Variants in GIPC1 observed in about 807,000 individuals in gnomAD.
GIPC1 encodes the protein GIPC PDZ domain containing family member 1.
A neutral mutation model predicts 28.5 loss-of-function variants in GIPC1; 15 were observed. That is an observed-to-expected ratio of 0.53 (90% confidence interval 0.35 to 0.81). The LOEUF (loss-of-function observed/expected upper bound fraction) is 0.81. GIPC1 is among the 30% of genes least tolerant of loss of function. GIPC1 has a pLI of 0.01. For missense variants in GIPC1, 439 were observed against 481.9 expected (o/e 0.91, Z 0.83); for synonymous variants, 224 against 206.1 (o/e 1.09, Z -0.74).
chr19:14,491,361 C>T (rs1345292660), intron 3 of GIPC1, among the ~76,000 whole-genome samples: 3 of 151,854 alleles, frequency 2.0e-5, no homozygotes, highest in Non-Finnish European at 2.9e-5. Flanking sequence ...CAGGTTCAAG[C>T]GATTCTCCTG....
chr19:14,481,020 G>C, intron 4 of GIPC1: 1 of 474,434 alleles, frequency 2.1e-6, no homozygotes, highest in Non-Finnish European at 3.8e-6. Context: ...ACCCAGGCTG[G>C]AGTGCAGTGG....
At position 14,480,292 on chromosome 19, in the gene GIPC1, G is replaced by A. The variant is rs182218218; in HGVS notation, c.655+13C>T. 2.4e-3 allele frequency: 3,832 copies of A among 1,606,324 alleles called. 15 individuals carry two copies. In the Middle Eastern group the frequency reaches 0.026, roughly 11 times the overall value. ...GCAGCGCCACTGGGGAGGTCCAGGG[G>A]GCGGCTCCTCACCGAAGGCCTTGCG... On this transcript the variant is annotated intron_variant, in intron 6 of 8. Transcript: ENST00000393033.
In GIPC1 at chr19:14,488,299, T is replaced by C. The variant is rs576265591; in HGVS notation, c.-31+3357A>G. On this transcript the variant is annotated intron_variant, in intron 3 of 8. Transcript: ENST00000393033. ...AACCCCATCTCTACTAAAAATACAA[T>C]ACACAGGTGGGCGTGGTGGTGCACA... is the stretch of plus-strand genomic sequence containing the variant. Among the ~76,000 whole-genome samples the C allele has an allele frequency of 5.4e-5, 8 of 149,160 alleles. No homozygotes were observed. In the South Asian group the frequency reaches 1.7e-3, roughly 32 times the overall value.
At chr19:14,494,127 T>C (rs2072027860) in intron 1 of GIPC1, among the ~76,000 whole-genome samples, 1 of 151,952 alleles carries the variant, frequency 6.6e-6, no homozygotes, top group Non-Finnish European at 1.5e-5. Flanking sequence ...ACCCAGCTAA[T>C]TTTCATATTT....
intron 4 of GIPC1, 89 bp downstream of exon 4, chr19:14,482,600 G>A: frequency 1.5e-6 from 2 of 1,303,740 alleles, no homozygotes; most frequent in Non-Finnish European, 2.2e-6. Flanking sequence ...TGCAGCTTCA[G>A]CATCTGAGCC....
chr19:14,478,828 G>T lies in GIPC1; in HGVS notation c.769-63C>A. ...ATGTGAATATACATAGTAATTGGAC[G>T]GACTGCCATTGTCACCACTTTACAT... On this transcript the variant is annotated intron_variant, in intron 7 of 8. Coordinates refer to ENST00000393033, the MANE Select transcript of GIPC1 (RefSeq NM_005716.4). This position sits in a 1 kb window ranked among gnomAD's most constrained non-coding sequence, Gnocchi z 5.2. 2 of 1,203,646 alleles carry T rather than the reference G, an allele frequency of 1.7e-6. No individual in the cohort carries two copies. The highest frequency in any genetic ancestry group is 2.5e-6 in the Non-Finnish European group (2 of 806,858). The allele number at this position is 1,203,646 out of a possible 1,614,324, so 74.6% of individuals were successfully genotyped here.
At chr19:14,480,567 C>A (rs1379890081) in intron 5 of GIPC1, 26 bp downstream of exon 5, 1 of 1,610,258 alleles carries the variant, frequency 6.2e-7, no homozygotes, top group South Asian at 1.1e-5. Flanking sequence ...TCCCAGGCCT[C>A]CGGGGTGCCC....
In GIPC1 at chr19:14,478,423, C is replaced by A; in HGVS notation, c.995G>T (p.Arg332Leu). ...CAGGGTCCGGGGGCAGTCCTAGTAGCGGCCGACCTTGGCGTCCCCAATGGC... is the reference window on the plus strand; with the variant it reads ...CAGGGTCCGGGGGCAGTCCTAGTAGAGGCCGACCTTGGCGTCCCCAATGGC... ...WGAIGDAKVG[R>L]Y is the part of the protein sequence containing the mutation. The change falls in exon 9 of 9, where the codon CGC becomes CTC. Residue 332 changes from arginine to leucine, a missense_variant. Physicochemically the swap from Arg to Leu is moderately radical, Grantham distance 102. Transcript: ENST00000393033. The surrounding 1 kb of genome is among the most constrained non-coding windows in gnomAD (Gnocchi z 5.2). 6.2e-7 allele frequency: 1 copy of A among 1,607,502 alleles called. No homozygotes were observed. The highest frequency in any genetic ancestry group is 8.5e-7 in the Non-Finnish European group (1 of 1,177,426).
chr19:14,483,084 C>T, intron 3 of GIPC1, 78 bp from the exon 4 acceptor site: 1 of 949,826 alleles, frequency 1.1e-6, no homozygotes. Context: ...ACCATACAGG[C>T]CCAAGGAAAT....
In GIPC1 at chr19:14,482,672, G is replaced by A. The variant is rs539457225; in HGVS notation, c.288+17C>T. ...TCCACCATCAGGGACCCTGGTGCCC[G>A]GCTCCCCAGTGGATACCTCGGCAGT... On this transcript the variant is annotated intron_variant, in intron 4 of 8. Transcript: ENST00000393033. The A allele has an allele frequency of 7.9e-5, 128 of 1,610,168 alleles. 1 individual carries two copies. The highest frequency in any genetic ancestry group is 2.2e-4 in the South Asian group (20 of 90,724).
chr19:14,490,974 CAAA>C (rs111731833), intron 3 of GIPC1, among the ~76,000 whole-genome samples: 2 of 113,062 alleles, frequency 1.8e-5, no homozygotes, highest in Non-Finnish European at 1.7e-5. Flanking sequence ...GACTCCATCT[CAAA>C]AAAAAAAAAA....
rs761216092 is a variant in GIPC1 at position 14,483,010 on chromosome 19, C to T, written c.-30-4G>A. 5.0e-6 allele frequency: 8 copies of T among 1,598,070 alleles called. No homozygotes were observed. Among genetic ancestry groups the T allele is most frequent in the East Asian group, 2.2e-5 (1 of 44,856 alleles). On this transcript the variant is annotated splice_polypyrimidine_tract_variant and splice_region_variant and intron_variant, in intron 3 of 8. Transcript: ENST00000393033. Reference sequence around the variant, plus strand: ...AGAAGTGGGGTCACCAGAAGATCTGCAGGACAGGAAGTGGGGCTCAGGGCC... The same window carrying T: ...AGAAGTGGGGTCACCAGAAGATCTGTAGGACAGGAAGTGGGGCTCAGGGCC...
chr19:14,478,865 T>C lies in GIPC1; in HGVS notation c.769-100A>G, dbSNP rs1041368650. ...TCACCACTTTACATATATTCGTATT[T>C]AGACCTCAGGACAACCCTGAGAAGG... On this transcript the variant is annotated intron_variant, in intron 7 of 8. Transcript: ENST00000393033. This position sits in a 1 kb window ranked among gnomAD's most constrained non-coding sequence, Gnocchi z 5.2. The C allele has an allele frequency of 4.6e-5, 42 of 918,144 alleles. No homozygotes were observed. Among genetic ancestry groups the C allele is most frequent in the Admixed American group, 2.6e-4 (15 of 56,890 alleles). The allele number at this position is 918,144 out of a possible 1,614,324, so 56.9% of individuals were successfully genotyped here. A position where few individuals can be genotyped will look rare whatever the true frequency, so the allele number is the denominator to read the frequency against.
At chr19:14,486,154 C>T (rs760650404) in intron 3 of GIPC1, among the ~76,000 whole-genome samples, 1 of 152,170 alleles carries the variant, frequency 6.6e-6, no homozygotes, top group Non-Finnish European at 1.5e-5. Context: ...TCTGGCATGA[C>T]AGGTATGGGC....
intron 1 of GIPC1, among the ~76,000 whole-genome samples, chr19:14,493,365 C>T (rs974595014): frequency 3.3e-5 from 5 of 152,216 alleles, no homozygotes; most frequent in Non-Finnish European, 4.4e-5. Flanking sequence ...ACCCACAAAC[C>T]CCTGCAGAAT....
intron 1 of GIPC1, among the ~76,000 whole-genome samples, chr19:14,493,655 T>TTTTA (rs1008598164): frequency 1.3e-5 from 2 of 151,782 alleles, no homozygotes; most frequent in Non-Finnish European, 2.9e-5. Context: ...ATTTGTTTAT[T>TTTTA]TTTATTTATT....
rs780929588 is a variant in GIPC1, at chr19:14,482,979, G to A, written c.-3C>T. On this transcript the variant is annotated 5_prime_UTR_variant, in exon 4 of 9. Transcript: ENST00000393033. ...CGCCGCCCCAGTCCCAGCGGCATGAGCAGCGAGAAGTGGGGTCACCAGAAG... is the reference window on the plus strand; with the variant it reads ...CGCCGCCCCAGTCCCAGCGGCATGAACAGCGAGAAGTGGGGTCACCAGAAG... 3.1e-6 allele frequency: 5 copies of A among 1,609,464 alleles called. No individual in the cohort carries two copies. The African/African-American group carries it at 5.3e-5, about 17-fold the overall frequency.
intron 4 of GIPC1, 65 bp downstream of exon 4, chr19:14,482,623 CA>C: frequency 6.7e-7 from 1 of 1,486,022 alleles, no homozygotes; most frequent in Non-Finnish European, 9.3e-7. Context: ...AGCTCATGAA[CA>C]GGATGCAGGC....
intron 3 of GIPC1, chr19:14,483,315 G>A: frequency 7.9e-6 from 2 of 254,452 alleles, no homozygotes; most frequent in South Asian, 5.3e-5. Context: ...AATTAGCCGG[G>A]TGTGGTGGTG....
Sources: gnomAD v4.1 joint callset for allele counts (sites outside exome capture counted in the v4.1 genomes callset) on GRCh38, gnomAD v4.1.1 for gene constraint, Gnocchi (gnomAD v3.1) non-coding constraint, MANE v1.5 for transcripts, NCBI Gene and HGNC (gene_info 2026-07-23, HGNC 2026-07-21) for gene names.